BOC: variants seen among roughly 807,000 people sequenced by gnomAD.
BOC encodes the protein BOC cell adhesion associated, oncogene regulated.
In BOC, 76 loss-of-function variants were observed where a neutral mutation model predicts 112.0. That is an observed-to-expected ratio of 0.68 (90% CI 0.56 to 0.82). BOC has a LOEUF of 0.82. Among genes scored for constraint, BOC ranks in the 40% least tolerant of loss-of-function variants. The pLI, the probability that BOC is intolerant of heterozygous loss-of-function variation, is 0.00. For missense variants in BOC, 1,309 were observed against 1,511.7 expected (o/e 0.87, Z 2.22); for synonymous variants, 580 against 599.8 (o/e 0.97, Z 0.48).
rs1341533787 is a variant in BOC at position 113,283,467 on chromosome 3, C to T, written c.2491C>T (p.Gln831Ter). The change falls in exon 16 of 20, where the codon CAG (glutamine) becomes TAG (stop). Residue 831 changes from glutamine (Q) to a stop codon, truncating the protein, a stop_gained. Coordinates refer to ENST00000682979, the MANE Select transcript of BOC (RefSeq NM_001378074.1). LOFTEE classifies it high-confidence loss of function. Reference protein sequence around the residue: ...RLPPPTLAPPQPPLPETIERP... With the variant: ...RLPPPTLAPP Reference sequence around the variant, plus strand: ...GCCACCCCCAACTCTGGCCCCACCACAGCCGCCCCTTCCTGAAACCATAGA... The same window carrying T: ...GCCACCCCCAACTCTGGCCCCACCATAGCCGCCCCTTCCTGAAACCATAGA... 1 of 1,613,864 alleles carries T rather than the reference C, an allele frequency of 6.2e-7. No homozygotes were observed. The highest frequency in any genetic ancestry group is 1.3e-5 in the African/African-American group (1 of 74,910).
At chr3:113,225,524 A>G (rs529475207) in intron 2 of BOC, among the ~76,000 whole-genome samples, 1 of 152,292 alleles carries the variant, frequency 6.6e-6, no homozygotes, top group African/African-American at 2.4e-5. Context: ...TCCAATCTAT[A>G]GCCTGACCAG....
intron 2 of BOC, among the ~76,000 whole-genome samples, chr3:113,236,311 TACCC>T (rs1943551113): frequency 9.7e-5 from 6 of 61,890 alleles, no homozygotes; most frequent in Non-Finnish European, 2.1e-4. Context: ...TATATATATA[TACCC>T]ATGGAATACT....
chr3:113,274,555 C>A lies in BOC; in HGVS notation c.1415C>A (p.Ala472Asp). Reference protein sequence around the residue: ...CPGEKGQGAPAEAPIILSSPR... With the variant: ...CPGEKGQGAPDEAPIILSSPR... ...GGAGAGAAGGGGCAGGGGGCTCCCG[C>A]CGAGGCTCCCATCATCCTCAGCTCG... is the stretch of plus-strand genomic sequence containing the variant. Residue 472 changes from alanine (A) to aspartate (D), a missense_variant, in exon 9 of 20, where the codon GCC becomes GAC. Transcript: ENST00000682979. This position sits in a 1 kb window ranked among gnomAD's most constrained non-coding sequence, Gnocchi z 4.8. The A allele has an allele frequency of 6.2e-7, 1 of 1,613,524 alleles. No homozygotes were observed. The highest frequency in any genetic ancestry group is 1.1e-5 in the South Asian group (1 of 91,080).
intron 15 of BOC, 55 bp from the exon 16 acceptor site, chr3:113,283,356 G>A: frequency 2.3e-5 from 34 of 1,495,186 alleles, no homozygotes; most frequent in Non-Finnish European, 3.0e-5. Context: ...TCTATTTGTT[G>A]TGAAGGAAAT....
intron 6 of BOC, 173 bp downstream of exon 6, chr3:113,271,117 G>C: frequency 1.0e-6 from 1 of 955,172 alleles, no homozygotes; most frequent in Non-Finnish European, 1.6e-6. Flanking sequence ...TCTCCCCTCT[G>C]GCCGGCCTCA....
chr3:113,223,689 G>A (rs1941158221), intron 2 of BOC, among the ~76,000 whole-genome samples: 1 of 152,144 alleles, frequency 6.6e-6, no homozygotes, highest in Non-Finnish European at 1.5e-5. Context: ...ATGTCATGCG[G>A]TTGGAATCAC....
At chr3:113,228,529 G>A (rs534569288) in intron 2 of BOC, among the ~76,000 whole-genome samples, 17 of 152,254 alleles carry the variant, frequency 1.1e-4, no homozygotes, top group South Asian at 4.2e-4. Context: ...CTTTTTCTGG[G>A]TGGCCATAAG....
At chr3:113,271,959 G>T in intron 6 of BOC, 1 of 191,746 alleles carries the variant, frequency 5.2e-6, no homozygotes, top group Non-Finnish European at 1.1e-5. Flanking sequence ...GCTCTGAGAT[G>T]CTCACTGAGA....
chr3:113,251,658 G>A (rs544701905), intron 4 of BOC: 1 of 152,182 alleles, frequency 6.6e-6, no homozygotes, highest in Admixed American at 6.5e-5. Context: ...AAAGAACATA[G>A]GTCCTCAGAC....
intron 14 of BOC, 95 bp downstream of exon 14, chr3:113,280,758 A>C: frequency 9.1e-7 from 1 of 1,095,758 alleles, no homozygotes; most frequent in East Asian, 2.4e-5. Flanking sequence ...TGAAGCATAA[A>C]CCTGCATCTG....
chr3:113,272,631 T>C lies in BOC; in HGVS notation c.889T>C (p.Tyr297His). 1 of 1,614,006 alleles carries C rather than the reference T, an allele frequency of 6.2e-7. No individual in the cohort carries two copies. The highest frequency in any genetic ancestry group is 1.1e-5 in the South Asian group (1 of 91,068). The change falls in exon 7 of 20, where the codon TAC becomes CAC. Residue 297 changes from tyrosine (Y) to histidine (H), a missense_variant. Coordinates refer to ENST00000682979, the MANE Select transcript of BOC (RefSeq NM_001378074.1). ...DTTSEEDSGT[Y>H]RCMADNGVGQ... ...CACCAGCGAGGAGGACTCAGGCACCTACCGCTGCATGGCCGACAATGGGGT... is the reference window on the plus strand; with the variant it reads ...CACCAGCGAGGAGGACTCAGGCACCCACCGCTGCATGGCCGACAATGGGGT...
At chr3:113,228,775 AG>A (rs1942104213) in intron 2 of BOC, among the ~76,000 whole-genome samples, 1 of 152,130 alleles carries the variant, frequency 6.6e-6, no homozygotes, top group Non-Finnish European at 1.5e-5. Context: ...TTGTAGGGAC[AG>A]GAGGGAAGAC....
chr3:113,265,882 C>G (rs911503770), intron 4 of BOC, among the ~76,000 whole-genome samples: 1 of 152,220 alleles, frequency 6.6e-6, no homozygotes, highest in African/African-American at 2.4e-5. Context: ...TTGGGCTCAG[C>G]CTTCCAAACT....
Position 113,245,039 on chromosome 3 carries a change from G to A in BOC, c.-81-4683G>A, listed in dbSNP as rs934448416. 2.0e-5 allele frequency among the ~76,000 whole-genome samples: 3 copies of A among 152,076 alleles called. No homozygotes were observed. In the East Asian group the frequency reaches 5.8e-4, roughly 29 times the overall value. ...TCTACAAATCACTTAGACTCATTCA[G>A]CCTTGACACATTATTCATAACACTC... On this transcript the variant is annotated intron_variant, in intron 2 of 19. Transcript: ENST00000682979.
At chr3:113,284,891 C>T (rs368541719) in intron 18 of BOC, 33 bp downstream of exon 18, 75 of 1,587,580 alleles carry the variant, frequency 4.7e-5, no homozygotes, top group Non-Finnish European at 6.1e-5. Flanking sequence ...ACTCCCAAGC[C>T]CCACAGCCTC....
Position 113,283,461 on chromosome 3 carries a change from C to T in BOC, c.2485C>T (p.Pro829Ser), listed in dbSNP as rs1949375576. The T allele has an allele frequency of 6.2e-7, 1 of 1,613,368 alleles. No individual in the cohort carries two copies. The highest frequency in any genetic ancestry group is 8.5e-7 in the Non-Finnish European group (1 of 1,179,520). The change falls in exon 16 of 20, where the codon CCA becomes TCA. Residue 829 changes from proline to serine, a missense_variant. Coordinates refer to ENST00000682979, the MANE Select transcript of BOC (RefSeq NM_001378074.1). ...PGRLPPPTLA[P>S]PQPPLPETIE... is the part of the protein sequence containing the mutation. ...TCGACTGCCACCCCCAACTCTGGCC[C>T]CACCACAGCCGCCCCTTCCTGAAAC...
rs375009958 is a variant in BOC at position 113,249,763 on chromosome 3, C to A, written c.-40C>A. 11 of 1,543,960 alleles carry A rather than the reference C, an allele frequency of 7.1e-6. No individual in the cohort carries two copies. Among genetic ancestry groups the A allele is most frequent in the East Asian group, 4.6e-5 (2 of 43,936 alleles). On this transcript the variant is annotated 5_prime_UTR_variant, in exon 3 of 20. Transcript: ENST00000682979. ...GCAGTATCTCTTTGTGTGACCCTGG[C>A]GGCTTATGGGACGTTGGCTTCAGAC...
At chr3:113,222,501 A>G (rs1167036237) in intron 2 of BOC, among the ~76,000 whole-genome samples, 1 of 152,228 alleles carries the variant, frequency 6.6e-6, no homozygotes, top group Non-Finnish European at 1.5e-5. Context: ...AGCAGTGTGC[A>G]AGGCTGCAAC....
intron 2 of BOC, among the ~76,000 whole-genome samples, chr3:113,229,154 AATCG>A (rs767187341): frequency 6.6e-6 from 1 of 152,186 alleles, no homozygotes; most frequent in Non-Finnish European, 1.5e-5. Context: ...CCAAACTGAA[AATCG>A]ACTCCTTCGG....
Sources: allele counts gnomAD v4.1 joint callset (sites outside exome capture counted in the v4.1 genomes callset), GRCh38; gene constraint gnomAD v4.1.1; non-coding constraint Gnocchi (gnomAD v3.1); transcripts MANE v1.5; gene names NCBI Gene and HGNC (gene_info 2026-07-23, HGNC 2026-07-21).